The following BACE2 variants were observed in gnomAD, a reference collection of about 807,000 sequenced individuals.
BACE2 encodes the protein beta-secretase 2.
A neutral mutation model predicts 46.2 loss-of-function variants in BACE2; 17 were observed. That is an observed-to-expected ratio of 0.37 (90% CI 0.25 to 0.55). The LOEUF (loss-of-function observed/expected upper bound fraction) is 0.55. Ranked by LOEUF, BACE2 falls within the 20% of genes least tolerant of loss-of-function variation. BACE2 has a pLI of 0.82. For synonymous variants in BACE2, 277 were observed against 295.9 expected, an observed-to-expected ratio of 0.94 and a Z score of 0.66; for missense variants, 595 against 698.1, an observed-to-expected ratio of 0.85 and a Z score of 1.66.
intron 1 of BACE2, among the ~76,000 whole-genome samples, chr21:41,224,883 A>T (rs1191519389): frequency 2.0e-5 from 3 of 152,226 alleles, no homozygotes; most frequent in Non-Finnish European, 4.4e-5. Flanking sequence ...TCATGGGAAT[A>T]TAACTTGGTG....
At chr21:41,212,637 T>G (rs2123549525) in intron 1 of BACE2, among the ~76,000 whole-genome samples, 1 of 152,196 alleles carries the variant, frequency 6.6e-6, no homozygotes, top group East Asian at 1.9e-4. Flanking sequence ...CTCCAAACTG[T>G]TTGCCTGGGG....
At chr21:41,234,928 T>C (rs1474273405) in intron 2 of BACE2, among the ~76,000 whole-genome samples, 1 of 152,210 alleles carries the variant, frequency 6.6e-6, no homozygotes, top group African/African-American at 2.4e-5. Flanking sequence ...ACAGAAAACA[T>C]TCACTGAATG....
At chr21:41,237,903 G>T (rs1294865036) in intron 3 of BACE2, among the ~76,000 whole-genome samples, 174 bp downstream of exon 3, 1 of 152,192 alleles carries the variant, frequency 6.6e-6, no homozygotes, top group Non-Finnish European at 1.5e-5. Flanking sequence ...TTAAATTGAA[G>T]GTAAACAGCA....
intron 8 of BACE2, among the ~76,000 whole-genome samples, chr21:41,270,989 A>C (rs879041036): frequency 6.6e-6 from 1 of 152,190 alleles, no homozygotes; most frequent in East Asian, 1.9e-4. Context: ...CACTGTTATT[A>C]GGTAAAAAAA....
At chr21:41,210,505 C>T (rs185094444) in intron 1 of BACE2, among the ~76,000 whole-genome samples, 2 of 152,274 alleles carry the variant, frequency 1.3e-5, no homozygotes, top group African/African-American at 2.4e-5. Flanking sequence ...CATGGCACAG[C>T]GTCTTCTTTT....
intron 8 of BACE2, among the ~76,000 whole-genome samples, chr21:41,273,914 G>C (rs1336477006): frequency 6.6e-6 from 1 of 152,212 alleles, no homozygotes; most frequent in African/African-American, 2.4e-5. Flanking sequence ...GCTTTGGCCA[G>C]TCCCTCCGTT....
chr21:41,182,213 A>G (rs1985156846), intron 1 of BACE2: 1 of 167,080 alleles, frequency 6.0e-6, no homozygotes, highest in East Asian at 1.9e-4. Flanking sequence ...CTTTACTGAT[A>G]TTGGTTGTGG....
rs528327238 is a variant in BACE2 at position 41,259,361 on chromosome 21, T to C, written c.1303+2035T>C. Reference sequence around the variant, plus strand: ...GTGGATTGTTTCGCCATTAAAGTAATTACTTTCCTCAGGGCTGCAATTAAC... The same window carrying C: ...GTGGATTGTTTCGCCATTAAAGTAACTACTTTCCTCAGGGCTGCAATTAAC... On this transcript the variant is annotated intron_variant, in intron 8 of 8. Transcript: ENST00000330333. 4.6e-5 allele frequency among the ~76,000 whole-genome samples: 7 copies of C among 152,280 alleles called. No individual in the cohort carries two copies. In the South Asian group the frequency reaches 1.4e-3, roughly 32 times the overall value.
intron 1 of BACE2, among the ~76,000 whole-genome samples, chr21:41,197,050 C>G (rs1263725666): frequency 6.6e-6 from 1 of 152,168 alleles, no homozygotes; most frequent in Non-Finnish European, 1.5e-5. Context: ...CAGGTTCAGC[C>G]TCTCAGACCC....
At chr21:41,250,926 C>A in intron 7 of BACE2, 25 bp downstream of exon 7, 1 of 1,610,404 alleles carries the variant, frequency 6.2e-7, no homozygotes, top group Non-Finnish European at 8.5e-7. Context: ...TTGTGCTTTG[C>A]TCTTTTTATC....
In BACE2 at chr21:41,193,879, T is replaced by A. The variant is rs1358611597; in HGVS notation, c.312+25304T>A. ...ACGTCAGCTCAGAGCCAGTGTCCAG[T>A]AGTCCCTGAAATGTCTGATCATCTC... is the stretch of plus-strand genomic sequence containing the variant. On this transcript the variant is annotated intron_variant, in intron 1 of 8. Coordinates refer to ENST00000330333, the MANE Select transcript of BACE2 (RefSeq NM_012105.5). This position sits in a 1 kb window ranked among gnomAD's most constrained non-coding sequence, Gnocchi z 4.2. Among the ~76,000 whole-genome samples, 2 of 152,200 alleles carry A rather than the reference T, an allele frequency of 1.3e-5. No homozygotes were observed. The highest frequency in any genetic ancestry group is 2.9e-5 in the Non-Finnish European group (2 of 68,034).
rs143395346 is a variant in BACE2, at chr21:41,222,046, G to A, written c.313-4220G>A. Among the ~76,000 whole-genome samples, 637 of 152,246 alleles carry A rather than the reference G, an allele frequency of 4.2e-3. 2 individuals carry two copies. Among genetic ancestry groups the A allele is most frequent in the African/African-American group, 0.014 (598 of 41,536 alleles). Reference sequence around the variant, plus strand: ...CTGAGTTGGTTACAAGAATGCGCTCGGAGTCTGACTCTGGGTTCCAGCCTC... The same window carrying A: ...CTGAGTTGGTTACAAGAATGCGCTCAGAGTCTGACTCTGGGTTCCAGCCTC... On this transcript the variant is annotated intron_variant, in intron 1 of 8. Coordinates refer to ENST00000330333, the MANE Select transcript of BACE2 (RefSeq NM_012105.5).
intron 1 of BACE2, among the ~76,000 whole-genome samples, chr21:41,225,001 G>A (rs1173273072): frequency 2.0e-5 from 3 of 152,262 alleles, no homozygotes; most frequent in Admixed American, 6.5e-5. Context: ...TTGGGAGGCC[G>A]AGGCGGGCAG....
chr21:41,178,940 A>T, intron 1 of BACE2: 1 of 432,866 alleles, frequency 2.3e-6, no homozygotes, highest in Non-Finnish European at 3.8e-6. Context: ...ATCCTGCTTT[A>T]TAAGGGCGGT....
intron 1 of BACE2, 42 bp from the exon 2 acceptor site, chr21:41,226,224 C>T: frequency 6.7e-7 from 1 of 1,497,856 alleles, no homozygotes; most frequent in Non-Finnish European, 9.2e-7. Flanking sequence ...ATTAAAATAA[C>T]TTGATGCTTT....
At chr21:41,268,380 C>G (rs2088400829) in intron 8 of BACE2, among the ~76,000 whole-genome samples, 1 of 152,164 alleles carries the variant, frequency 6.6e-6, no homozygotes, top group Non-Finnish European at 1.5e-5. Context: ...TTAGAATCTG[C>G]TTTAAAACCA....
At chr21:41,222,419 A>G (rs1341694677) in intron 1 of BACE2, among the ~76,000 whole-genome samples, 6 of 152,208 alleles carry the variant, frequency 3.9e-5, no homozygotes, top group Admixed American at 3.3e-4. Flanking sequence ...GCCGTGCCAC[A>G]TGGACCTGGA....
chr21:41,272,256 T>C (rs2088441527), intron 8 of BACE2, among the ~76,000 whole-genome samples: 1 of 152,134 alleles, frequency 6.6e-6, no homozygotes, highest in Non-Finnish European at 1.5e-5. Flanking sequence ...ATTTTCTCTT[T>C]ATCACTGGTT....
intron 2 of BACE2, among the ~76,000 whole-genome samples, chr21:41,235,854 A>AATGAATGAATG (rs1987103063): frequency 2.0e-5 from 3 of 151,546 alleles, no homozygotes; most frequent in African/African-American, 7.3e-5. Flanking sequence ...AAGAAATAAT[A>AATGAATGAATG]AATGAATGAA....
Sources: allele counts gnomAD v4.1 joint callset (sites outside exome capture counted in the v4.1 genomes callset), GRCh38; gene constraint gnomAD v4.1.1; non-coding constraint Gnocchi (gnomAD v3.1); transcripts MANE v1.5; gene names NCBI Gene and HGNC (gene_info 2026-07-23, HGNC 2026-07-21).